PCDHGA11: variants seen among roughly 807,000 people sequenced by gnomAD.
PCDHGA11 encodes the protein protocadherin gamma-A11.
Under a neutral mutation model 60.4 loss-of-function variants are expected in PCDHGA11, and 39 were observed. The ratio of observed to expected loss-of-function variants is 0.65; its 90% confidence interval spans 0.50 to 0.84. PCDHGA11 has a LOEUF of 0.84. Among genes scored for constraint, PCDHGA11 ranks in the 40% least tolerant of loss-of-function variants. The pLI, the probability that PCDHGA11 is intolerant of heterozygous loss-of-function variation, is 0.00. For missense variants in PCDHGA11, 1,165 were observed against 1,197.7 expected (o/e 0.97, Z 0.40); for synonymous variants, 533 against 510.3 (o/e 1.04, Z -0.60).
chr5:141,428,106 C>T, intron 1 of PCDHGA11: 1 of 1,608,152 alleles, frequency 6.2e-7, no homozygotes. Context: ...CCACGTGCTG[C>T]AGGCCATCGA....
chr5:141,509,255 T>A (rs1434555633), intron 3 of PCDHGA11, among the ~76,000 whole-genome samples: 1 of 152,158 alleles, frequency 6.6e-6, no homozygotes, highest in African/African-American at 2.4e-5. Flanking sequence ...CCTCTCCGGC[T>A]TTAGTCACTC....
At chr5:141,462,314 A>C (rs1283684392) in intron 1 of PCDHGA11, among the ~76,000 whole-genome samples, 1 of 152,186 alleles carries the variant, frequency 6.6e-6, no homozygotes, top group Non-Finnish European at 1.5e-5. Flanking sequence ...TATATTTGTC[A>C]CTGATTTCTA....
At chr5:141,483,291 A>T (rs767446911) in intron 1 of PCDHGA11, among the ~76,000 whole-genome samples, 4 of 152,126 alleles carry the variant, frequency 2.6e-5, no homozygotes, top group African/African-American at 4.8e-5. Flanking sequence ...TGTCAGTCAT[A>T]AGTGAAGGGA....
At chr5:141,427,986 G>C in intron 1 of PCDHGA11, 1 of 1,598,018 alleles carries the variant, frequency 6.3e-7, no homozygotes, top group East Asian at 2.2e-5. Context: ...GCTGGGGCCC[G>C]ATGGCTCCGC....
At chr5:141,454,557 C>T (rs191373514) in intron 1 of PCDHGA11, among the ~76,000 whole-genome samples, 8 of 152,160 alleles carry the variant, frequency 5.3e-5, no homozygotes, top group Admixed American at 5.2e-4. Flanking sequence ...CAGGCATGTG[C>T]CACCACGCCC....
At chr5:141,463,808 T>C (rs1018369312) in intron 1 of PCDHGA11, among the ~76,000 whole-genome samples, 2 of 152,196 alleles carry the variant, frequency 1.3e-5, no homozygotes, top group African/African-American at 4.8e-5. Flanking sequence ...CTAAAAGCTT[T>C]TATCACACAT....
At chr5:141,460,981 G>GTATA (rs1491204135) in intron 1 of PCDHGA11, among the ~76,000 whole-genome samples, 10 of 121,884 alleles carry the variant, frequency 8.2e-5, no homozygotes, top group African/African-American at 3.1e-4. Context: ...GTGTGTGTGT[G>GTATA]TGTATATATA....
In PCDHGA11 at chr5:141,445,206, A is replaced by G. The variant is rs1244524491; in HGVS notation, c.2433+21546A>G. On this transcript the variant is annotated intron_variant, in intron 1 of 3. Transcript: ENST00000398587. ...TTTTTATGTATTCTATATGCTTTTGAAAAGTAAGAGGTGCAAAGTGCTCTA... is the reference window on the plus strand; with the variant it reads ...TTTTTATGTATTCTATATGCTTTTGGAAAGTAAGAGGTGCAAAGTGCTCTA... 3.3e-5 allele frequency among the ~76,000 whole-genome samples: 5 copies of G among 152,182 alleles called. No individual in the cohort carries two copies. The East Asian group carries it at 7.7e-4, about 23-fold the overall frequency.
rs1272272666 is a variant in PCDHGA11, at chr5:141,423,628, A to G, written c.2401A>G (p.Ile801Val). 2 of 1,604,848 alleles carry G rather than the reference A, an allele frequency of 1.2e-6. No individual in the cohort carries two copies. Among genetic ancestry groups the G allele is most frequent in the African/African-American group, 1.3e-5 (1 of 74,578 alleles). Residue 801 changes from isoleucine to valine, a missense_variant, in exon 1 of 4, where the codon ATT (isoleucine) becomes GTT (valine). By Grantham distance (29) the Ile-to-Val change is conservative. Transcript: ENST00000398587. ...CTTGATAGCTGAAGACTCAGCTATC[A>G]TTTTAGGCAAATGTGACCCGACAAG... ...PLLIAEDSAIILGKCDPTSNQ... is the reference protein window; with the variant it reads ...PLLIAEDSAIVLGKCDPTSNQ...
chr5:141,509,577 C>G (rs569743928), intron 3 of PCDHGA11, among the ~76,000 whole-genome samples: 2 of 152,320 alleles, frequency 1.3e-5, no homozygotes, highest in African/African-American at 2.4e-5. Context: ...ACAGTGCGTA[C>G]AAATCAGCTG....
At chr5:141,508,033 C>A (rs1596123382) in intron 3 of PCDHGA11, 1 of 152,290 alleles carries the variant, frequency 6.6e-6, no homozygotes, top group Non-Finnish European at 1.5e-5. Flanking sequence ...GTTTGCAGCT[C>A]AGCCAGCTGT....
At position 141,431,178 on chromosome 5, in the gene PCDHGA11, T is replaced by A; in HGVS notation, c.2433+7518T>A. 2 of 1,614,078 alleles carry A rather than the reference T, an allele frequency of 1.2e-6. No individual in the cohort carries two copies. Among genetic ancestry groups the A allele is most frequent in the Non-Finnish European group, 1.7e-6 (2 of 1,180,000 alleles). On this transcript the variant is annotated intron_variant, in intron 1 of 3. Coordinates refer to ENST00000398587, the MANE Select transcript of PCDHGA11 (RefSeq NM_018914.3). This position sits in a 1 kb window ranked among gnomAD's most constrained non-coding sequence, Gnocchi z 4.8. ...TACTTTCGTGAAAGTGAATTAGAAATAAAAATTAGTGAAAATGCAGCCACT... is the reference window on the plus strand; with the variant it reads ...TACTTTCGTGAAAGTGAATTAGAAAAAAAAATTAGTGAAAATGCAGCCACT...
chr5:141,503,372 G>A (rs1275544964), intron 2 of PCDHGA11, among the ~76,000 whole-genome samples: 1 of 151,968 alleles, frequency 6.6e-6, no homozygotes, highest in Non-Finnish European at 1.5e-5. Context: ...GGAGGCAGGT[G>A]GATCATGAGG....
chr5:141,440,328 T>G (rs1311315077), intron 1 of PCDHGA11: 1 of 152,102 alleles, frequency 6.6e-6, no homozygotes. Context: ...TTACTGGGCA[T>G]GGTGGTGCAG....
chr5:141,433,032 C>G, intron 1 of PCDHGA11: 1 of 1,614,188 alleles, frequency 6.2e-7, no homozygotes, highest in Non-Finnish European at 8.5e-7. Context: ...CACGAGGTTT[C>G]CCTCACCACG....
At chr5:141,488,236 T>G (rs1333427955) in intron 1 of PCDHGA11, among the ~76,000 whole-genome samples, 2 of 152,154 alleles carry the variant, frequency 1.3e-5, no homozygotes, top group Non-Finnish European at 2.9e-5. Context: ...TTGAACTAGA[T>G]GCGGTAAATT....
Position 141,423,349 on chromosome 5 carries a change from T to A in PCDHGA11, c.2122T>A (p.Phe708Ile), listed in dbSNP as rs2096733716. The change falls in exon 1 of 4, where the codon TTT (phenylalanine) becomes ATT (isoleucine). Residue 708 changes from phenylalanine (F) to isoleucine (I), a missense_variant. By Grantham distance (21) the Phe-to-Ile change is conservative. Transcript: ENST00000398587. ...VAAVSCIFLV[F>I]VIVLLALRLW... ...CGCAGTCTCCTGCATCTTCCTGGTC[T>A]TTGTCATCGTGCTGCTGGCACTCAG... 6.2e-7 allele frequency: 1 copy of A among 1,614,196 alleles called. No individual in the cohort carries two copies. The highest frequency in any genetic ancestry group is 2.2e-5 in the East Asian group (1 of 44,884).
intron 1 of PCDHGA11, among the ~76,000 whole-genome samples, chr5:141,438,598 AT>A (rs1433028092): frequency 6.7e-5 from 2 of 29,776 alleles, no homozygotes; most frequent in Non-Finnish European, 1.4e-4. Context: ...ATACATATAT[AT>A]ATATATATAT....
intron 1 of PCDHGA11, among the ~76,000 whole-genome samples, chr5:141,457,254 A>G (rs2098914828): frequency 6.6e-6 from 1 of 152,222 alleles, no homozygotes; most frequent in Admixed American, 6.5e-5. Flanking sequence ...TTGCCAACAT[A>G]TAGAATTCCC....
Sources: allele counts gnomAD v4.1 joint callset (sites outside exome capture counted in the v4.1 genomes callset), GRCh38; gene constraint gnomAD v4.1.1; non-coding constraint Gnocchi (gnomAD v3.1); transcripts MANE v1.5; gene names NCBI Gene and HGNC (gene_info 2026-07-23, HGNC 2026-07-21).